The following PARD3B variants were observed in gnomAD, a reference collection of about 807,000 sequenced individuals.
PARD3B encodes partitioning defective 3 homolog B.
Under a neutral mutation model 130.2 loss-of-function variants are expected in PARD3B, and 103 were observed. The observed-to-expected ratio is 0.79, with a 90% CI of 0.67 to 0.93. The LOEUF is 0.93. PARD3B is among the 40% of genes least tolerant of loss of function. The pLI is 0.00. For missense variants in PARD3B, 1,609 were observed against 1,499.2 expected (o/e 1.07, Z -1.21); for synonymous variants, 583 against 553.2 (o/e 1.05, Z -0.76).
At chr2:205,212,065 G>T (rs965233201) in intron 15 of PARD3B, among the ~76,000 whole-genome samples, 2 of 152,014 alleles carry the variant, frequency 1.3e-5, no homozygotes, top group Non-Finnish European at 2.9e-5. Context: ...AATGATCTCA[G>T]TGCTTTCTCT....
At chr2:205,576,144 C>G (rs968607531) in intron 22 of PARD3B, among the ~76,000 whole-genome samples, 1 of 151,994 alleles carries the variant, frequency 6.6e-6, no homozygotes, top group Non-Finnish European at 1.5e-5. Context: ...AGTATCTTTT[C>G]ATATACTGAT....
At chr2:204,856,804 A>G (rs1426771419) in intron 2 of PARD3B, among the ~76,000 whole-genome samples, 1 of 152,026 alleles carries the variant, frequency 6.6e-6, no homozygotes, top group Non-Finnish European at 1.5e-5. Context: ...ACTTATTTCC[A>G]ATTTTGGCAC....
At chr2:204,869,124 G>A (rs6733159) in intron 2 of PARD3B, among the ~76,000 whole-genome samples, 28,472 of 152,050 alleles carry the variant, frequency 0.19, 2,820 homozygotes, top group East Asian at 0.39. Context: ...ATACAGATCA[G>A]ATGTGATTTG....
rs1379091259 is a variant in PARD3B, at chr2:205,351,444, G to C, written c.2631-49569G>C. On this transcript the variant is annotated intron_variant, in intron 18 of 22. Coordinates refer to ENST00000406610, the MANE Select transcript of PARD3B (RefSeq NM_001302769.2). This position sits in a 1 kb window ranked among gnomAD's most constrained non-coding sequence, Gnocchi z 4.2. ...AAACTGAAAGGTTGCCCTCAAGCTA[G>C]GTGCTGGAGGGATTTTGCCAACTGC... 1.3e-5 allele frequency among the ~76,000 whole-genome samples: 2 copies of C among 152,152 alleles called. No homozygotes were observed. The highest frequency in any genetic ancestry group is 2.4e-5 in the African/African-American group (1 of 41,442).
intron 4 of PARD3B, among the ~76,000 whole-genome samples, chr2:205,090,763 C>A (rs183602545): frequency 6.6e-6 from 1 of 152,112 alleles, no homozygotes; most frequent in East Asian, 1.9e-4. Context: ...GCTCTTGGAG[C>A]CTCTTGGGAG....
At chr2:205,066,714 T>C (rs1264256493) in intron 4 of PARD3B, among the ~76,000 whole-genome samples, 1 of 152,180 alleles carries the variant, frequency 6.6e-6, no homozygotes, top group Non-Finnish European at 1.5e-5. Context: ...ATCTGTGAAT[T>C]TGTAATGAGG....
chr2:204,921,872 T>C (rs574698456), intron 2 of PARD3B, among the ~76,000 whole-genome samples: 1 of 152,128 alleles, frequency 6.6e-6, no homozygotes, highest in Non-Finnish European at 1.5e-5. Flanking sequence ...GCAGTGGAAG[T>C]ACAAAAGGTG....
At chr2:204,581,180 A>T (rs1301866438) in intron 1 of PARD3B, among the ~76,000 whole-genome samples, 1 of 152,174 alleles carries the variant, frequency 6.6e-6, no homozygotes, top group Non-Finnish European at 1.5e-5. Flanking sequence ...GTTTGGAGGA[A>T]CAGAAAATTG....
intron 4 of PARD3B, among the ~76,000 whole-genome samples, chr2:205,081,951 A>G (rs1379564906): frequency 6.6e-6 from 1 of 152,064 alleles, no homozygotes; most frequent in Non-Finnish European, 1.5e-5. Flanking sequence ...TCTTTGTAGG[A>G]CTAGTTATGT....
At position 205,470,730 on chromosome 2, in the gene PARD3B, TGC is replaced by T. The variant is rs1236001783; in HGVS notation, c.3045-29165_3045-29164del. Among the ~76,000 whole-genome samples the T allele has an allele frequency of 3.3e-5, 5 of 152,104 alleles. No homozygotes were observed. Among genetic ancestry groups the T allele is most frequent in the African/African-American group, 1.2e-4 (5 of 41,448 alleles). ...TGAGGTTTCAAACAGATGTGGCCAC[TGC>T]CCCTAGGAGTTGGATAGGATCCTCT... On this transcript the variant is annotated intron_variant, in intron 20 of 22. Coordinates refer to ENST00000406610, the MANE Select transcript of PARD3B (RefSeq NM_001302769.2). This position sits in a 1 kb window ranked among gnomAD's most constrained non-coding sequence, Gnocchi z 4.8.
rs141898095 is a variant in PARD3B, at chr2:205,255,756, G to C, written c.2185+9934G>C. ...TGGATGGAAGAGATGAATAGAACAAGGTTGTGGGAAGGTTCTAGGAGCTTC... is the reference window on the plus strand; with the variant it reads ...TGGATGGAAGAGATGAATAGAACAACGTTGTGGGAAGGTTCTAGGAGCTTC... On this transcript the variant is annotated intron_variant, in intron 16 of 22. Transcript: ENST00000406610. 8.8e-3 allele frequency among the ~76,000 whole-genome samples: 1,335 copies of C among 152,292 alleles called. 22 individuals carry two copies. Among genetic ancestry groups the C allele is most frequent in the Non-Finnish European group, 0.012 (798 of 68,016 alleles).
At chr2:205,205,408 T>G (rs1020757219) in intron 15 of PARD3B, among the ~76,000 whole-genome samples, 3 of 152,186 alleles carry the variant, frequency 2.0e-5, no homozygotes, top group African/African-American at 7.2e-5. Context: ...TAATTTGACT[T>G]CCTGTCTTCT....
rs137966544 is a variant in PARD3B at position 204,863,690 on chromosome 2, T to G, written c.223-101462T>G. On this transcript the variant is annotated intron_variant, in intron 2 of 22. Transcript: ENST00000406610. ...GTCCATTTGTAGTTTGCGAATGGCC[T>G]TTAGGCCATATAGATAGAAAAGCAT... 1.6e-4 allele frequency among the ~76,000 whole-genome samples: 25 copies of G among 152,322 alleles called. No individual in the cohort carries two copies. In the East Asian group the frequency reaches 4.6e-3, roughly 28 times the overall value.
chr2:205,008,040 T>G (rs1463468200), intron 3 of PARD3B, among the ~76,000 whole-genome samples: 1 of 152,120 alleles, frequency 6.6e-6, no homozygotes, highest in African/African-American at 2.4e-5. Flanking sequence ...TTTTGATACA[T>G]GAGAAGAGCT....
At chr2:205,055,633 A>G (rs952469820) in intron 4 of PARD3B, among the ~76,000 whole-genome samples, 1 of 152,138 alleles carries the variant, frequency 6.6e-6, no homozygotes, top group Non-Finnish European at 1.5e-5. Context: ...GAAATAATAA[A>G]TAGAGAAACT....
intron 15 of PARD3B, among the ~76,000 whole-genome samples, chr2:205,197,176 C>G (rs2036745520): frequency 6.6e-6 from 1 of 151,916 alleles, no homozygotes; most frequent in Admixed American, 6.6e-5. Context: ...GCATTCCTAA[C>G]TTCCTAAAAG....
At chr2:204,849,441 G>A (rs887127237) in intron 2 of PARD3B, among the ~76,000 whole-genome samples, 4 of 152,118 alleles carry the variant, frequency 2.6e-5, no homozygotes, top group East Asian at 1.9e-4. Flanking sequence ...AACCTTTTAC[G>A]TGAGTAAGTT....
chr2:204,864,235 C>T (rs188907241), intron 2 of PARD3B, among the ~76,000 whole-genome samples: 2 of 152,248 alleles, frequency 1.3e-5, no homozygotes, highest in Admixed American at 6.5e-5. Context: ...ATATGGAAGT[C>T]AAAGGGAGCT....
chr2:205,210,686 A>G (rs1386796886), intron 15 of PARD3B, among the ~76,000 whole-genome samples: 7 of 152,122 alleles, frequency 4.6e-5, no homozygotes, highest in African/African-American at 1.4e-4. Flanking sequence ...TTTTGCTCGT[A>G]TCAGCAGTAT....
Sources: gnomAD v4.1 joint callset for allele counts (sites outside exome capture counted in the v4.1 genomes callset) on GRCh38, gnomAD v4.1.1 for gene constraint, Gnocchi (gnomAD v3.1) non-coding constraint, MANE v1.5 for transcripts, NCBI Gene and HGNC (gene_info 2026-07-23, HGNC 2026-07-21) for gene names.